Variants in HSF1 observed in about 807,000 individuals in gnomAD.
The protein encoded by HSF1 is heat shock transcription factor 1.
A neutral mutation model predicts 51.7 loss-of-function variants in HSF1; 32 were observed. The observed-to-expected ratio is 0.62, with a 90% CI of 0.47 to 0.83. The LOEUF (loss-of-function observed/expected upper bound fraction) is 0.83, where lower values mean the gene tolerates loss of function less well. HSF1 is among the 40% of genes least tolerant of loss of function. HSF1 has a pLI of 0.00. For synonymous variants in HSF1, 396 were observed against 309.7 expected (o/e 1.28, Z -2.92); for missense variants, 727 against 717.0 (o/e 1.01, Z -0.16).
rs35836645 is a variant in HSF1, at chr8:144,309,616, C to A, written c.363+25C>A. 3.1e-6 allele frequency: 5 copies of A among 1,611,752 alleles called. No individual in the cohort carries two copies. The African/African-American group carries it at 5.3e-5, about 17-fold the overall frequency. ...TGTGAGTGCCGGCCCTGCACCCTTG[C>A]CCGGTCTCACCTGCCACAGCTCTCC... On this transcript the variant is annotated intron_variant, in intron 3 of 12. Transcript: ENST00000528838.
chr8:144,308,834 C>A, intron 1 of HSF1, 72 bp from the exon 2 acceptor site: 2 of 1,240,856 alleles, frequency 1.6e-6, no homozygotes, highest in Non-Finnish European at 2.4e-6. Flanking sequence ...AAGGGGCGGC[C>A]TGGGGAAGGG....
chr8:144,299,069 A>G (rs1184685155), intron 1 of HSF1, among the ~76,000 whole-genome samples: 1 of 152,118 alleles, frequency 6.6e-6, no homozygotes, highest in Admixed American at 6.5e-5. Context: ...AGGAAAGGCC[A>G]CTCCAATGCC....
In HSF1 at chr8:144,312,000, G is replaced by C; in HGVS notation, c.898G>C (p.Glu300Gln). 6.3e-7 allele frequency: 1 copy of C among 1,596,056 alleles called. No homozygotes were observed. Among genetic ancestry groups the C allele is most frequent in the Non-Finnish European group, 8.5e-7 (1 of 1,170,574 alleles). ...SSSPLVRVKE[E>Q]PPSPPQSPRV... ...CAGCCCCCTGGTGCGTGTCAAGGAGGAGCCCCCCAGCCCGCCTCAGAGCCC... is the reference window on the plus strand; with the variant it reads ...CAGCCCCCTGGTGCGTGTCAAGGAGCAGCCCCCCAGCCCGCCTCAGAGCCC... Residue 300 changes from glutamate (E) to glutamine (Q), a missense_variant, in exon 9 of 13, where the codon GAG becomes CAG. Transcript: ENST00000528838.
chr8:144,314,227 A>G lies in HSF1; in HGVS notation c.1487A>G (p.Glu496Gly). 1 of 1,550,130 alleles carries G rather than the reference A, an allele frequency of 6.5e-7. No individual in the cohort carries two copies. ...NDLPVLFELG[E>G]GSYFSEGDGF... ...CTGCCGGTGCTGTTTGAGCTGGGAGAGGGCTCCTACTTCTCCGAAGGGGAC... is the reference window on the plus strand; with the variant it reads ...CTGCCGGTGCTGTTTGAGCTGGGAGGGGGCTCCTACTTCTCCGAAGGGGAC... Residue 496 changes from glutamate to glycine, a missense_variant, in exon 13 of 13, where the codon GAG (glutamate) becomes GGG (glycine). Physicochemically the swap from Glu to Gly is moderately conservative, Grantham distance 98. Around this residue, in one of 2 missense-constraint regions of HSF1, gnomAD observed 470 missense variants for 398.8 expected, o/e 1.18. Transcript: ENST00000528838.
chr8:144,307,096 G>A (rs1381624221), intron 1 of HSF1, among the ~76,000 whole-genome samples: 1 of 152,216 alleles, frequency 6.6e-6, no homozygotes, highest in Non-Finnish European at 1.5e-5. Context: ...ACACGGCTGC[G>A]AGATGTCCTG....
intron 1 of HSF1, among the ~76,000 whole-genome samples, chr8:144,304,616 A>G (rs1816095975): frequency 6.6e-6 from 1 of 151,158 alleles, no homozygotes; most frequent in Non-Finnish European, 1.5e-5. Context: ...CTTTTATTTT[A>G]ATGCTTTTAT....
At position 144,313,541 on chromosome 8, in the gene HSF1, G is replaced by A. The variant is rs1816837574; in HGVS notation, c.1173G>A (p.Met391Ile). Reference protein sequence around the residue: ...KNELSDHLDAMDSNLDNLQTM... With the variant: ...KNELSDHLDAIDSNLDNLQTM... ...AGCTCAGTGACCACTTGGATGCTAT[G>A]GACTCCAACCTGGATAACCTGCAGA... The change falls in exon 10 of 13, where the codon ATG becomes ATA. Residue 391 changes from methionine (M) to isoleucine (I), a missense_variant. This residue lies in a region of HSF1 where 470 missense variants were observed against 398.8 expected (regional missense o/e 1.18). Coordinates refer to ENST00000528838, the MANE Select transcript of HSF1 (RefSeq NM_005526.4). The A allele has an allele frequency of 1.2e-6, 2 of 1,611,848 alleles. No individual in the cohort carries two copies. Among genetic ancestry groups the A allele is most frequent in the Non-Finnish European group, 1.7e-6 (2 of 1,179,050 alleles).
At chr8:144,308,052 G>T (rs1554843588) in intron 1 of HSF1, among the ~76,000 whole-genome samples, 2 of 152,200 alleles carry the variant, frequency 1.3e-5, no homozygotes, top group East Asian at 1.9e-4. Context: ...CACCACGGGG[G>T]TCTTTCTGGC....
intron 9 of HSF1, chr8:144,312,787 C>A: frequency 7.5e-7 from 1 of 1,333,094 alleles, no homozygotes; most frequent in Non-Finnish European, 1.0e-6. Context: ...GTGGACCAGA[C>A]CCAGCCTGGC....
Position 144,297,748 on chromosome 8 carries a change from C to T in HSF1, c.117+5874C>T, listed in dbSNP as rs995618246. Among the ~76,000 whole-genome samples the T allele has an allele frequency of 6.6e-5, 10 of 152,214 alleles. No homozygotes were observed. The highest frequency in any genetic ancestry group is 2.0e-4 in the Admixed American group (3 of 15,280). ...AGCCGAGCCCAGGAGCCCAGATCAC[C>T]GGTCAGCAGATACAGCTTTGACTTG... On this transcript the variant is annotated intron_variant, in intron 1 of 12. Transcript: ENST00000528838. This position sits in a 1 kb window ranked among gnomAD's most constrained non-coding sequence, Gnocchi z 4.6.
intron 1 of HSF1, among the ~76,000 whole-genome samples, chr8:144,308,474 G>A (rs558748827): frequency 2.0e-5 from 3 of 152,316 alleles, no homozygotes; most frequent in East Asian, 1.9e-4. Flanking sequence ...CATTTCCTTC[G>A]CTGTTCCCAA....
In HSF1 at chr8:144,291,865, C is replaced by A; in HGVS notation, c.108C>A (p.Cys36Ter). ...VSDPDTDALI[C>*]WSPSGNSFHV... ...ACCCGGACACCGACGCGCTCATCTG[C>A]TGGAGCCCGGTGAGGGCAGCGCGCG... The change falls in exon 1 of 13, where the codon TGC becomes TGA. Residue 36 changes from cysteine (C) to a stop codon, truncating the protein, a stop_gained. Transcript: ENST00000528838. LOFTEE classifies it high-confidence loss of function. This position sits in a 1 kb window ranked among gnomAD's most constrained non-coding sequence, Gnocchi z 4.1. 6.5e-7 allele frequency: 1 copy of A among 1,536,126 alleles called. No homozygotes were observed.
At chr8:144,307,952 T>C (rs908465431) in intron 1 of HSF1, among the ~76,000 whole-genome samples, 18 of 152,274 alleles carry the variant, frequency 1.2e-4, no homozygotes, top group African/African-American at 3.9e-4. Flanking sequence ...TGGGGTCCTT[T>C]CCGTGACCGT....
chr8:144,302,714 C>G (rs140695971), intron 1 of HSF1, among the ~76,000 whole-genome samples: 1 of 151,500 alleles, frequency 6.6e-6, no homozygotes, highest in African/African-American at 2.4e-5. Flanking sequence ...CCCAGCTACG[C>G]GGGAGGCTGA....
intron 10 of HSF1, 33 bp from the exon 11 acceptor site, chr8:144,313,802 CCCCGCCCCCGG>C: frequency 8.1e-7 from 1 of 1,228,104 alleles, no homozygotes; most frequent in African/African-American, 1.8e-5. Context: ...CGCCTCCCCG[CCCCGCCCCCGG>C]GTGCTGTTCT....
Position 144,310,969 on chromosome 8 carries a change from C to T in HSF1, c.489-205C>T, listed in dbSNP as rs557945733. 2.5e-4 allele frequency: 149 copies of T among 597,608 alleles called. No individual in the cohort carries two copies. The East Asian group carries it at 4.0e-3, about 16-fold the overall frequency. 37.0% of individuals were successfully genotyped at this position (597,608 alleles called of 1,614,324 possible). On this transcript the variant is annotated intron_variant, in intron 4 of 12. Coordinates refer to ENST00000528838, the MANE Select transcript of HSF1 (RefSeq NM_005526.4). ...CACCCTACGTGACACCAGGTGTCCC[C>T]GGCAGGGAGGGGCAGTGGGACCAGC...
chr8:144,314,473 C>T lies in HSF1; in HGVS notation c.*143C>T. 2.9e-6 allele frequency: 2 copies of T among 684,446 alleles called. No homozygotes were observed. The highest frequency in any genetic ancestry group is 5.0e-6 in the Non-Finnish European group (2 of 402,188). The allele number at this position is 684,446 out of a possible 1,614,324, so 42.4% of individuals were successfully genotyped here. ...TAGGACAAACGGGCTCGGGTCTGGG[C>T]AGCACCTCTGGTCAGGAGGGTCACC... is the stretch of plus-strand genomic sequence containing the variant. On this transcript the variant is annotated 3_prime_UTR_variant, in exon 13 of 13. Transcript: ENST00000528838.
intron 3 of HSF1, 29 bp downstream of exon 3, chr8:144,309,620 G>A: frequency 1.9e-6 from 3 of 1,611,682 alleles, no homozygotes; most frequent in Non-Finnish European, 2.5e-6. Context: ...CCCTTGCCCG[G>A]TCTCACCTGC....
At chr8:144,309,275 T>C in intron 2 of HSF1, 180 bp from the exon 3 acceptor site, 1 of 787,908 alleles carries the variant, frequency 1.3e-6, no homozygotes, top group Non-Finnish European at 2.0e-6. Context: ...GGGAGCCCTG[T>C]GGGGACACAG....
Sources: allele counts gnomAD v4.1 joint callset (sites outside exome capture counted in the v4.1 genomes callset), GRCh38; gene constraint gnomAD v4.1.1; regional missense constraint gnomAD v4.1.1; non-coding constraint Gnocchi (gnomAD v3.1); transcripts MANE v1.5; gene names NCBI Gene and HGNC (gene_info 2026-07-23, HGNC 2026-07-21).